The following TTI1 variants were observed in gnomAD, a reference collection of about 807,000 sequenced individuals.
TTI1 encodes TELO2-interacting protein 1 homolog.
Under a neutral mutation model 85.4 loss-of-function variants are expected in TTI1, and 52 were observed. That is an observed-to-expected ratio of 0.61 (90% CI 0.49 to 0.77). The LOEUF is 0.77. TTI1 is among the 30% of genes least tolerant of loss of function. The pLI is 0.00. For synonymous variants in TTI1, 512 were observed against 503.9 expected (o/e 1.02, Z -0.22); for missense variants, 1,173 against 1,296.0 (o/e 0.91, Z 1.46).
intron 7 of TTI1, among the ~76,000 whole-genome samples, chr20:37,995,648 T>C (rs1485747257): frequency 1.3e-5 from 2 of 152,210 alleles, no homozygotes; most frequent in African/African-American, 2.4e-5. Flanking sequence ...CAGAGTAGAT[T>C]TGGGGTCTCA....
Position 38,002,791 on chromosome 20 carries a change from C to T in TTI1, c.2504-15G>A. On this transcript the variant is annotated splice_polypyrimidine_tract_variant and intron_variant, in intron 3 of 7. Transcript: ENST00000373447. ...TGACTGTTCCTCTGGAAAAAGAGCA[C>T]AACTGGGGGCAGTGTTGTATGAGTG... 6.2e-7 allele frequency: 1 copy of T among 1,612,818 alleles called. No homozygotes were observed. Among genetic ancestry groups the T allele is most frequent in the Non-Finnish European group, 8.5e-7 (1 of 1,179,216 alleles).
chr20:37,985,614 A>G (rs1248315876), intron 7 of TTI1, among the ~76,000 whole-genome samples: 2 of 150,372 alleles, frequency 1.3e-5, no homozygotes, highest in Non-Finnish European at 3.0e-5. Context: ...TGCAACCTTC[A>G]CCTTCTGGGT....
chr20:38,024,342 C>T (rs1305399438), intron 1 of TTI1, among the ~76,000 whole-genome samples: 3 of 152,128 alleles, frequency 2.0e-5, no homozygotes, highest in Non-Finnish European at 4.4e-5. Flanking sequence ...AGTAGGCATA[C>T]ATTTCCCTAT....
At chr20:38,024,201 C>T (rs942881684) in intron 1 of TTI1, among the ~76,000 whole-genome samples, 30 of 152,228 alleles carry the variant, frequency 2.0e-4, no homozygotes, top group African/African-American at 7.2e-4. Context: ...GCACTGGAAA[C>T]TGGGTAAGTT....
intron 7 of TTI1, among the ~76,000 whole-genome samples, chr20:37,992,225 A>G (rs2073274503): frequency 6.6e-6 from 1 of 151,984 alleles, no homozygotes. Flanking sequence ...GAGGCCAAGC[A>G]TCCTAAAAGC....
At chr20:38,032,720 C>T (rs1287696113) in intron 1 of TTI1, among the ~76,000 whole-genome samples, 8 of 152,136 alleles carry the variant, frequency 5.3e-5, no homozygotes, top group Admixed American at 4.6e-4. Context: ...TGCAGGTGAG[C>T]GTCACCATGC....
At chr20:38,021,897 T>A (rs2073776279) in intron 1 of TTI1, among the ~76,000 whole-genome samples, 2 of 151,952 alleles carry the variant, frequency 1.3e-5, no homozygotes, top group Admixed American at 1.3e-4. Flanking sequence ...GATACTTAGA[T>A]CCCAAGGTAC....
At chr20:38,019,552 TAGCTACCTAACAAGATTACAGGGCAGTA>T (rs1460740999) in intron 1 of TTI1, among the ~76,000 whole-genome samples, 2 of 151,982 alleles carry the variant, frequency 1.3e-5, no homozygotes, top group Non-Finnish European at 2.9e-5. Context: ...TGTAAAAGAA[TAGCTACCTAACAAGATTACAGGGCAGTA>T]AAAAATGGGA....
chr20:37,986,102 A>G (rs981005989), intron 7 of TTI1, among the ~76,000 whole-genome samples: 5 of 152,248 alleles, frequency 3.3e-5, no homozygotes, highest in Admixed American at 2.6e-4. Context: ...CACAGTTGAC[A>G]GTTTTCCCTG....
intron 5 of TTI1, 97 bp from the exon 6 acceptor site, chr20:37,997,050 T>TG (rs2073352819): frequency 3.8e-6 from 5 of 1,306,800 alleles, no homozygotes; most frequent in Admixed American, 2.5e-5. Flanking sequence ...GGTCTCTGCT[T>TG]GGGGGAAAAA....
chr20:38,030,329 A>G (rs1372173095), intron 1 of TTI1, among the ~76,000 whole-genome samples: 1 of 152,138 alleles, frequency 6.6e-6, no homozygotes, highest in Non-Finnish European at 1.5e-5. Flanking sequence ...CAAACATTTA[A>G]TGAAGAATTA....
At chr20:37,987,107 C>T (rs780696436) in intron 7 of TTI1, 1 of 453,494 alleles carries the variant, frequency 2.2e-6, no homozygotes, top group South Asian at 1.6e-5. Context: ...AATTCCAAAC[C>T]GCACCCTTGT....
intron 4 of TTI1, among the ~76,000 whole-genome samples, 190 bp downstream of exon 4, chr20:38,002,438 C>T (rs2073438661): frequency 6.6e-6 from 1 of 152,220 alleles, no homozygotes; most frequent in Non-Finnish European, 1.5e-5. Context: ...CTCCCTTTGG[C>T]ATCTCAGCAG....
At chr20:38,019,571 C>A (rs569310568) in intron 1 of TTI1, among the ~76,000 whole-genome samples, 1 of 151,532 alleles carries the variant, frequency 6.6e-6, no homozygotes, top group African/African-American at 2.4e-5. Flanking sequence ...AACAAGATTA[C>A]AGGGCAGTAA....
chr20:38,016,305 G>A (rs1193004015), intron 1 of TTI1, among the ~76,000 whole-genome samples: 1 of 152,162 alleles, frequency 6.6e-6, no homozygotes, highest in Non-Finnish European at 1.5e-5. Flanking sequence ...TGTTTAAGTG[G>A]AAGCCTGGTA....
chr20:37,992,684 G>T (rs942431206), intron 7 of TTI1, among the ~76,000 whole-genome samples: 2 of 152,214 alleles, frequency 1.3e-5, no homozygotes, highest in African/African-American at 4.8e-5. Flanking sequence ...AAAAGCCAGG[G>T]AGTCTCAGAG....
chr20:37,983,561 G>A lies in TTI1; in HGVS notation c.3165C>T (p.Phe1055=). 6.2e-7 allele frequency: 1 copy of A among 1,607,766 alleles called. No homozygotes were observed. The highest frequency in any genetic ancestry group is 8.5e-7 in the Non-Finnish European group (1 of 1,177,412). The change falls in exon 8 of 8, where the codon TTC becomes TTT. Residue 1055 remains phenylalanine (F), a synonymous_variant. Transcript: ENST00000373447. ...LLNELYCPVQ[F]TPPHPSLHPV... is the part of the protein sequence containing the mutation. ...GGTGGAGGCTGGGGTGGGGAGGTGTGAACTGCACGGGGCAGTAAAGCTCGT... is the reference window on the plus strand; with the variant it reads ...GGTGGAGGCTGGGGTGGGGAGGTGTAAACTGCACGGGGCAGTAAAGCTCGT...
chr20:37,992,847 A>C (rs377349382), intron 7 of TTI1, among the ~76,000 whole-genome samples: 9 of 152,290 alleles, frequency 5.9e-5, no homozygotes, highest in Middle Eastern at 3.4e-3. Context: ...CCTGGACAGA[A>C]AGGCACAGAA....
In TTI1 at chr20:38,012,637, C is replaced by T. The variant is rs2073616441; in HGVS notation, c.1180G>A (p.Asp394Asn). The T allele has an allele frequency of 6.2e-7, 1 of 1,614,024 alleles. No individual in the cohort carries two copies. Among genetic ancestry groups the T allele is most frequent in the Non-Finnish European group, 8.5e-7 (1 of 1,180,046 alleles). The stretch of plus-strand genomic sequence containing the variant: ...GAAAGAGTAGAGAATTTGCCCTGGT[C>T]ATCTTGGGAGTTCATTAGGCGAGGA... ...SLPRLMNSQD[D>N]QGKFSTLSLL... The change falls in exon 2 of 8, where the codon GAC becomes AAC. Residue 394 changes from aspartate (D) to asparagine (N), a missense_variant. Asp to Asn is a conservative substitution (Grantham distance 23). Coordinates refer to ENST00000373447, the MANE Select transcript of TTI1 (RefSeq NM_001303457.2).
Sources: gnomAD v4.1 joint callset for allele counts (sites outside exome capture counted in the v4.1 genomes callset) on GRCh38, gnomAD v4.1.1 for gene constraint, MANE v1.5 for transcripts, NCBI Gene and HGNC (gene_info 2026-07-23, HGNC 2026-07-21) for gene names.